TIAM2: variants seen among roughly 807,000 people sequenced by gnomAD.
TIAM2 encodes the protein rho guanine nucleotide exchange factor TIAM2.
TIAM2 carries 80 observed loss-of-function variants against 152.9 expected under a neutral mutation model. That is an observed-to-expected ratio of 0.52 (90% CI 0.44 to 0.63). TIAM2 has a LOEUF of 0.63. TIAM2 is among the 30% of genes least tolerant of loss of function. The pLI, the probability that TIAM2 is intolerant of heterozygous loss-of-function variation, is 0.00. For synonymous variants in TIAM2, 804 were observed against 838.0 expected (o/e 0.96, Z 0.70); for missense variants, 1,965 against 2,120.1 (o/e 0.93, Z 1.44).
At chr6:155,043,659 G>GAAA (rs1178145153) in intron 1 of TIAM2, among the ~76,000 whole-genome samples, 4 of 139,832 alleles carry the variant, frequency 2.9e-5, no homozygotes, top group Non-Finnish European at 3.0e-5. Flanking sequence ...AAAAAAAAAG[G>GAAA]ATCTGTAAGG....
intron 8 of TIAM2, 104 bp from the exon 9 acceptor site, chr6:155,165,159 G>T (rs915689139): frequency 6.4e-6 from 8 of 1,257,748 alleles, no homozygotes; most frequent in Middle Eastern, 2.2e-4. Context: ...AGCTTTTGGC[G>T]ATAGTCAGAA....
chr6:155,191,328 A>G (rs924359255), intron 14 of TIAM2, among the ~76,000 whole-genome samples: 1 of 152,248 alleles, frequency 6.6e-6, no homozygotes, highest in Non-Finnish European at 1.5e-5. Context: ...GCAACGGACT[A>G]GTATTTGGAA....
At chr6:155,234,210 C>T (rs527591919) in intron 15 of TIAM2, among the ~76,000 whole-genome samples, 2 of 152,236 alleles carry the variant, frequency 1.3e-5, no homozygotes, top group South Asian at 4.2e-4. Flanking sequence ...ATTTCAAGTG[C>T]CCGTGTTTTT....
chr6:155,220,785 C>T (rs923488514), intron 15 of TIAM2, among the ~76,000 whole-genome samples: 1 of 152,144 alleles, frequency 6.6e-6, no homozygotes, highest in African/African-American at 2.4e-5. Context: ...TATTATTATA[C>T]TTTAAGTTCT....
At chr6:155,091,260 C>G (rs978192552) in intron 2 of TIAM2, among the ~76,000 whole-genome samples, 1 of 152,140 alleles carries the variant, frequency 6.6e-6, no homozygotes, top group African/African-American at 2.4e-5. Flanking sequence ...CCTCACTGAT[C>G]GTTTTCTCCT....
intron 1 of TIAM2, among the ~76,000 whole-genome samples, chr6:155,023,690 C>T (rs972637014): frequency 2.6e-5 from 4 of 152,260 alleles, no homozygotes; most frequent in East Asian, 1.9e-4. Context: ...GAGATTTAGT[C>T]AGCTTTCCTT....
At position 155,256,874 on chromosome 6, in the gene TIAM2, AAGG is replaced by A. The variant is rs1173106750; in HGVS notation, c.4865_4867del (p.Gly1622del). 1.1e-5 allele frequency: 17 copies of A among 1,614,108 alleles called. No homozygotes were observed. In the Admixed American group the frequency reaches 2.2e-4, roughly 21 times the overall value. ...GGCCCGGAGTCGGGTGAGGGTCAGA[AAGG>A]AGGAGAGCAGCCCAAACTGGTCCGG... On this transcript the variant is annotated inframe_deletion, in exon 27 of 27. Coordinates refer to ENST00000682666, the MANE Select transcript of TIAM2 (RefSeq NM_012454.4).
At chr6:155,141,707 T>C (rs1779711192) in intron 5 of TIAM2, among the ~76,000 whole-genome samples, 1 of 152,146 alleles carries the variant, frequency 6.6e-6, no homozygotes, top group South Asian at 2.1e-4. Flanking sequence ...TCCCTCAAAA[T>C]GTGCAACAGA....
chr6:155,043,656 AAGG>A, intron 1 of TIAM2, among the ~76,000 whole-genome samples: 1 of 150,436 alleles, frequency 6.6e-6, no homozygotes, highest in African/African-American at 2.4e-5. Context: ...AAAAAAAAAA[AAGG>A]ATCTGTAAGG....
At position 155,253,028 on chromosome 6, in the gene TIAM2, T is replaced by G. The variant is rs769241055; in HGVS notation, c.4200T>G (p.Leu1400=). The change falls in exon 24 of 27, where the codon CTT becomes CTG. Residue 1400 remains leucine (L), a synonymous_variant. Coordinates refer to ENST00000682666, the MANE Select transcript of TIAM2 (RefSeq NM_012454.4). ...GCTGGTTGATCCCCATCTCCGCGCT[T>G]CAAGTCAGACTGGGGAATCCAGCAG... ...KFRWLIPISA[L]QVRLGNPAGT... The G allele has an allele frequency of 2.5e-6, 4 of 1,614,068 alleles. No individual in the cohort carries two copies. Among genetic ancestry groups the G allele is most frequent in the Non-Finnish European group, 3.4e-6 (4 of 1,180,038 alleles).
chr6:155,256,975 A>C lies in TIAM2; in HGVS notation c.4960A>C (p.Ile1654Leu), dbSNP rs1405983729. Residue 1654 changes from isoleucine to leucine, a missense_variant, in exon 27 of 27, where the codon ATC becomes CTC. Physicochemically the swap from Ile to Leu is conservative, Grantham distance 5. Around this residue, in one of 3 missense-constraint regions of TIAM2, gnomAD observed 935 missense variants for 980.0 expected, o/e 0.95. Coordinates refer to ENST00000682666, the MANE Select transcript of TIAM2 (RefSeq NM_012454.4). ...RDRGTLLKAQ[I>L]RHQSLDSQSE... ...CAGAGGAACTTTGCTCAAGGCGCAG[A>C]TCCGTCACCAGTCCCTTGACAGTCA... The C allele has an allele frequency of 6.2e-7, 1 of 1,614,152 alleles. No individual in the cohort carries two copies. The highest frequency in any genetic ancestry group is 1.7e-5 in the Admixed American group (1 of 60,016).
chr6:155,048,167 G>T (rs1777244699), intron 1 of TIAM2, among the ~76,000 whole-genome samples: 1 of 152,140 alleles, frequency 6.6e-6, no homozygotes, highest in African/African-American at 2.4e-5. Context: ...TGGCCAGGCT[G>T]GTTTTGAACG....
chr6:155,133,224 G>A (rs1314773302), intron 4 of TIAM2, among the ~76,000 whole-genome samples: 1 of 152,130 alleles, frequency 6.6e-6, no homozygotes, highest in Non-Finnish European at 1.5e-5. Flanking sequence ...GCATGTGCCT[G>A]TTAGTCCCAC....
At position 155,217,402 on chromosome 6, in the gene TIAM2, A is replaced by G. The variant is rs191623137; in HGVS notation, c.3168+6095A>G. 1.0e-3 allele frequency among the ~76,000 whole-genome samples: 153 copies of G among 152,364 alleles called. 1 individual carries two copies. The highest frequency in any genetic ancestry group is 3.6e-3 in the African/African-American group (149 of 41,580). ...TTCTTTCTTTTTGAAATATAAAGAT[A>G]TCAGAAAGGCCTAGGCAAATATTTA... On this transcript the variant is annotated intron_variant, in intron 15 of 26. Coordinates refer to ENST00000682666, the MANE Select transcript of TIAM2 (RefSeq NM_012454.4).
At chr6:154,996,310 A>C (rs1778210956) in intron 1 of TIAM2, among the ~76,000 whole-genome samples, 2 of 152,150 alleles carry the variant, frequency 1.3e-5, no homozygotes, top group Non-Finnish European at 2.9e-5. Context: ...GGTTAACTTT[A>C]TTTAAAGAGG....
Position 155,129,900 on chromosome 6 carries a change from A to G in TIAM2, c.677A>G (p.His226Arg). The G allele has an allele frequency of 3.7e-6, 6 of 1,613,798 alleles. No individual in the cohort carries two copies. The highest frequency in any genetic ancestry group is 5.1e-6 in the Non-Finnish European group (6 of 1,180,010). ...RGSSADSLPS[H>R]RPSPTDSRLR... ...TCCAGCGCCGATTCCCTGCCCAGCC[A>G]TCGCCCCTCTCCCACGGACTCTCGC... Residue 226 changes from histidine (H) to arginine (R), a missense_variant, in exon 4 of 27, where the codon CAT (histidine) becomes CGT (arginine). Physicochemically the swap from His to Arg is conservative, Grantham distance 29. Transcript: ENST00000682666. The surrounding 1 kb of genome is among the most constrained non-coding windows in gnomAD (Gnocchi z 4.8).
At chr6:155,250,878 C>T (rs761336001) in intron 21 of TIAM2, 35 bp from the exon 22 acceptor site, 2 of 1,597,324 alleles carry the variant, frequency 1.3e-6, no homozygotes, top group South Asian at 1.1e-5. Context: ...CCTGGGATTT[C>T]CGTATCTTCC....
intron 1 of TIAM2, among the ~76,000 whole-genome samples, chr6:155,020,853 C>G (rs1562291987): frequency 6.6e-6 from 1 of 152,156 alleles, no homozygotes. Flanking sequence ...TTTCATCTTG[C>G]AGAACTGAAA....
chr6:155,041,018 A>G (rs1777014742), intron 1 of TIAM2, among the ~76,000 whole-genome samples: 1 of 152,188 alleles, frequency 6.6e-6, no homozygotes, highest in Non-Finnish European at 1.5e-5. Context: ...TTTTCAGCTC[A>G]GGCAAGTTCC....
Sources: allele counts gnomAD v4.1 joint callset (sites outside exome capture counted in the v4.1 genomes callset), GRCh38; gene constraint gnomAD v4.1.1; regional missense constraint gnomAD v4.1.1; non-coding constraint Gnocchi (gnomAD v3.1); transcripts MANE v1.5; gene names NCBI Gene and HGNC (gene_info 2026-07-23, HGNC 2026-07-21).